CPAMD8: variants seen among roughly 807,000 people sequenced by gnomAD.
CPAMD8 encodes C3 and PZP like alpha-2-macroglobulin domain containing 8.
A neutral mutation model predicts 224.7 loss-of-function variants in CPAMD8; 146 were observed. The ratio of observed to expected loss-of-function variants is 0.65; its 90% CI spans 0.57 to 0.75. CPAMD8 has a LOEUF of 0.75. Ranked by LOEUF, CPAMD8 falls within the 30% of genes least tolerant of loss-of-function variation. The probability of loss-of-function intolerance (pLI) is 0.00; values close to 1 mark genes in which losing one functional copy is unlikely to be tolerated. For missense variants in CPAMD8, 2,301 were observed against 2,537.5 expected (o/e 0.91, Z 2.00); for synonymous variants, 966 against 1,044.6 (o/e 0.92, Z 1.45).
chr19:16,935,832 T>G (rs2053666422), intron 23 of CPAMD8, among the ~76,000 whole-genome samples: 1 of 152,210 alleles, frequency 6.6e-6, no homozygotes, highest in Admixed American at 6.5e-5. Flanking sequence ...AAACTGTTTT[T>G]AAAAACTACC....
intron 18 of CPAMD8, among the ~76,000 whole-genome samples, chr19:16,963,968 A>C (rs1322659061): frequency 6.6e-6 from 1 of 152,228 alleles, no homozygotes; most frequent in African/African-American, 2.4e-5. Flanking sequence ...GAAGGCAGAA[A>C]TAAAGATGTT....
At chr19:16,981,111 G>T (rs112289427) in intron 13 of CPAMD8, among the ~76,000 whole-genome samples, 1 of 150,928 alleles carries the variant, frequency 6.6e-6, no homozygotes, top group Non-Finnish European at 1.5e-5. Context: ...CCAGCACTTT[G>T]GGGGGCTGAA....
intron 29 of CPAMD8, among the ~76,000 whole-genome samples, chr19:16,909,730 G>A (rs1401319703): frequency 7.9e-6 from 1 of 127,310 alleles, no homozygotes; most frequent in Non-Finnish European, 1.7e-5. Context: ...GGCAATAAGA[G>A]CGAAACTTCG....
intron 18 of CPAMD8, among the ~76,000 whole-genome samples, chr19:16,964,915 C>G (rs1305919582): frequency 6.6e-6 from 1 of 152,144 alleles, no homozygotes; most frequent in African/African-American, 2.4e-5. Context: ...CGAAATCCAT[C>G]ACATAGACAG....
chr19:16,930,371 A>G (rs1004747933), intron 23 of CPAMD8, among the ~76,000 whole-genome samples: 3 of 152,324 alleles, frequency 2.0e-5, no homozygotes, highest in African/African-American at 7.2e-5. Context: ...GGAAACATAA[A>G]TGCACCAATT....
intron 3 of CPAMD8, among the ~76,000 whole-genome samples, chr19:17,013,903 C>T (rs2123173898): frequency 6.6e-6 from 1 of 151,804 alleles, no homozygotes; most frequent in East Asian, 1.9e-4. Flanking sequence ...TTCCTTCCTT[C>T]CTTCACTACA....
intron 32 of CPAMD8, 79 bp downstream of exon 32, chr19:16,904,147 C>T: frequency 6.8e-7 from 1 of 1,460,446 alleles, no homozygotes; most frequent in Non-Finnish European, 9.3e-7. Flanking sequence ...TGCCTGGCCA[C>T]CTCAGAGCTC....
At position 16,996,140 on chromosome 19, in the gene CPAMD8, ACT is replaced by A. The variant is rs575460281; in HGVS notation, c.1095+969_1095+970del. On this transcript the variant is annotated intron_variant, in intron 11 of 41. Transcript: ENST00000443236. ...ACTCCAGCCTGGGCGACAGAGCGAG[ACT>A]CTTGTCTCAAAATAAATAAATAAAT... Among the ~76,000 whole-genome samples, 359 of 152,112 alleles carry A rather than the reference ACT, an allele frequency of 2.4e-3. 2 individuals carry two copies. Among genetic ancestry groups the A allele is most frequent in the South Asian group, 0.023 (112 of 4,820 alleles).
intron 18 of CPAMD8, among the ~76,000 whole-genome samples, chr19:16,959,176 C>CTT (rs1303892809): frequency 1.4e-4 from 19 of 131,760 alleles, no homozygotes; most frequent in African/African-American, 2.8e-4. Flanking sequence ...TTGCATTTCC[C>CTT]TTTTTTTTTT....
intron 32 of CPAMD8, 49 bp downstream of exon 32, chr19:16,904,177 C>CGGG: frequency 4.6e-5 from 22 of 479,100 alleles, no homozygotes; most frequent in Non-Finnish European, 7.8e-5. Context: ...ACTGCAGGGA[C>CGGG]CCCACCCACC....
chr19:16,896,002 C>T, intron 41 of CPAMD8, 174 bp downstream of exon 41: 1 of 760,520 alleles, frequency 1.3e-6, no homozygotes, highest in Non-Finnish European at 2.3e-6. Context: ...GATGAATGTC[C>T]CACTTTGTCC....
intron 10 of CPAMD8, 54 bp downstream of exon 10, chr19:17,000,360 T>G: frequency 1.4e-6 from 1 of 738,052 alleles, no homozygotes; most frequent in South Asian, 1.5e-5. Context: ...TGTGTGCTGG[T>G]GGAGGTGAAC....
At chr19:16,992,539 C>A (rs2055990783) in intron 12 of CPAMD8, among the ~76,000 whole-genome samples, 1 of 152,130 alleles carries the variant, frequency 6.6e-6, no homozygotes, top group African/African-American at 2.4e-5. Context: ...GCGACTTCCA[C>A]CTCCCGGGTT....
intron 29 of CPAMD8, among the ~76,000 whole-genome samples, chr19:16,908,482 C>G (rs377370665): frequency 6.6e-6 from 1 of 152,206 alleles, no homozygotes; most frequent in Non-Finnish European, 1.5e-5. Flanking sequence ...TGCTCATGCC[C>G]TCCCTAGAAT....
At chr19:16,902,371 G>A (rs2052294499) in intron 35 of CPAMD8, among the ~76,000 whole-genome samples, 1 of 152,080 alleles carries the variant, frequency 6.6e-6, no homozygotes, top group African/African-American at 2.4e-5. Context: ...AAAAAAGTTA[G>A]TTGGGCATGA....
At chr19:16,987,167 A>ATATATATAT (rs2055754492) in intron 13 of CPAMD8, among the ~76,000 whole-genome samples, 1 of 96,524 alleles carries the variant, frequency 1.0e-5, no homozygotes, top group African/African-American at 4.9e-5. Context: ...AAAAAAAAAA[A>ATATATATAT]AAAAAAAAAA....
intron 27 of CPAMD8, among the ~76,000 whole-genome samples, chr19:16,920,687 C>G (rs2053138964): frequency 6.6e-6 from 1 of 151,802 alleles, no homozygotes. Context: ...GAAACCCCGT[C>G]CCTACTAAAA....
At chr19:16,975,025 C>T (rs1230635254) in intron 17 of CPAMD8, 72 bp downstream of exon 17, 4 of 1,530,084 alleles carry the variant, frequency 2.6e-6, no homozygotes. Context: ...ATTTCTGAAT[C>T]TCCAAGACTC....
chr19:16,924,343 C>T (rs2053281918), intron 26 of CPAMD8, among the ~76,000 whole-genome samples: 2 of 152,070 alleles, frequency 1.3e-5, no homozygotes, highest in African/African-American at 4.8e-5. Context: ...CGGCTGTCCC[C>T]TGGAGGTACA....
Sources: allele counts gnomAD v4.1 joint callset (sites outside exome capture counted in the v4.1 genomes callset), GRCh38; gene constraint gnomAD v4.1.1; transcripts MANE v1.5; gene names NCBI Gene and HGNC (gene_info 2026-07-23, HGNC 2026-07-21).